Variants in PHB1 observed in about 807,000 individuals in gnomAD.
The protein encoded by PHB1 is epididymis luminal protein 215.
the PHB1 span, chr17:49,404,944 C>A: frequency 7.9e-7 from 1 of 1,258,028 alleles, no homozygotes; most frequent in South Asian, 1.3e-5. Context: ...TAAGAATCAT[C>A]GGGGCTGTGG....
At chr17:49,411,919 G>C in the PHB1 span, 5 of 1,323,052 alleles carry the variant, frequency 3.8e-6, no homozygotes, top group African/African-American at 7.3e-5. Context: ...AAAGAGCCCT[G>C]GTGCTTTCTG....
At chr17:49,405,072 T>C in the PHB1 span, 5 of 1,606,694 alleles carry the variant, frequency 3.1e-6, no homozygotes, top group Non-Finnish European at 3.4e-6. Context: ...TGGTACGCGA[T>C]GTCCTCTGCA....
At chr17:49,404,342 T>G in the PHB1 span, 1 of 153,772 alleles carries the variant, frequency 6.5e-6, no homozygotes, top group Admixed American at 6.5e-5. Context: ...CCATCCAAGT[T>G]TTAGGACCCT....
At chr17:49,414,280 A>G in the PHB1 span, 1 of 152,126 alleles carries the variant, frequency 6.6e-6, no homozygotes, top group East Asian at 1.9e-4. Flanking sequence ...TGTATTAAGA[A>G]CGACATGCTT....
At chr17:49,404,716 A>G in the PHB1 span, 1 of 473,728 alleles carries the variant, frequency 2.1e-6, no homozygotes, top group Non-Finnish European at 3.9e-6. Context: ...GAACTCCAGC[A>G]GGCCCCGAAT....
chr17:49,406,870 G>A, the PHB1 span: 1 of 1,579,036 alleles, frequency 6.3e-7, no homozygotes, highest in South Asian at 1.1e-5. Flanking sequence ...GGGAGAGAGT[G>A]AGCACAAGAT....
the PHB1 span, chr17:49,407,059 T>C: frequency 1.9e-5 from 11 of 586,292 alleles, no homozygotes; most frequent in South Asian, 2.1e-4. Flanking sequence ...ACTGCTCCTG[T>C]ATATTACTCT....
chr17:49,405,075 C>G, the PHB1 span: 1 of 1,607,906 alleles, frequency 6.2e-7, no homozygotes, highest in African/African-American at 1.3e-5. Flanking sequence ...TACGCGATGT[C>G]CTCTGCAGCT....
chr17:49,407,429 A>G, the PHB1 span: 1 of 155,534 alleles, frequency 6.4e-6, no homozygotes, highest in South Asian at 1.9e-4. Context: ...TGGTATTCCC[A>G]ATGTGAATGG....
chr17:49,407,253 A>G, the PHB1 span: 1 of 178,982 alleles, frequency 5.6e-6, no homozygotes, highest in South Asian at 1.2e-4. Flanking sequence ...TCAAAGCCCA[A>G]GGAAGGCCAG....
the PHB1 span, among the ~76,000 whole-genome samples, chr17:49,414,068 C>G: frequency 6.6e-6 from 1 of 152,176 alleles, no homozygotes; most frequent in African/African-American, 2.4e-5. Context: ...ACACTTATAT[C>G]AGGTAGCCTA....
the PHB1 span, chr17:49,412,950 G>T: frequency 2.1e-6 from 1 of 480,806 alleles, no homozygotes; most frequent in Non-Finnish European, 3.8e-6. Flanking sequence ...CTAGGAAGTG[G>T]GCTGGGAAGC....
the PHB1 span, chr17:49,409,098 C>T: frequency 9.9e-6 from 16 of 1,613,606 alleles, no homozygotes; most frequent in Admixed American, 3.3e-5. Flanking sequence ...GTAAGGTCGT[C>T]GCTCACCTGC....
the PHB1 span, chr17:49,413,257 G>T: frequency 6.2e-7 from 1 of 1,606,888 alleles, no homozygotes. Flanking sequence ...AAACACTTTG[G>T]CAGCCATGTT....
the PHB1 span, chr17:49,409,022 G>A: frequency 1.0e-5 from 15 of 1,484,120 alleles, no homozygotes; most frequent in South Asian, 3.7e-5. Context: ...TCCCCTCCTC[G>A]GTCTCCCGAA....
the PHB1 span, chr17:49,411,883 C>T: frequency 2.5e-6 from 4 of 1,580,386 alleles, no homozygotes; most frequent in Non-Finnish European, 3.5e-6. Flanking sequence ...TCCTCTCATC[C>T]TTTAAACAAA....
At chr17:49,410,526 G>A in the PHB1 span, among the ~76,000 whole-genome samples, 2 of 152,194 alleles carry the variant, frequency 1.3e-5, no homozygotes, top group African/African-American at 4.8e-5. Flanking sequence ...GCCATGCAAA[G>A]TTTGCAACAC....
At chr17:49,409,304 C>T in the PHB1 span, 31 of 1,613,870 alleles carry the variant, frequency 1.9e-5, no homozygotes, top group South Asian at 9.9e-5. Flanking sequence ...GCTCTGGGCT[C>T]GAGGCTAAAG....
chr17:49,412,726 C>T, the PHB1 span: 1 of 156,350 alleles, frequency 6.4e-6, no homozygotes, highest in African/African-American at 2.4e-5. Flanking sequence ...AAGATACTTT[C>T]TCTGAAACTA....
Sources: allele counts gnomAD v4.1 joint callset (sites outside exome capture counted in the v4.1 genomes callset), GRCh38; gene constraint gnomAD v4.1.1; transcripts MANE v1.5; gene names NCBI Gene and HGNC (gene_info 2026-07-23, HGNC 2026-07-21).